The following EPHA6 variants were observed in gnomAD, a reference collection of about 807,000 sequenced individuals.
EPHA6 encodes EPH receptor A6.
A neutral mutation model predicts 112.0 loss-of-function variants in EPHA6; 50 were observed. The ratio of observed to expected loss-of-function variants is 0.45; its 90% CI spans 0.36 to 0.56. The LOEUF (loss-of-function observed/expected upper bound fraction) is 0.56. Ranked by LOEUF, EPHA6 falls within the 20% of genes least tolerant of loss-of-function variation. The pLI is 0.00. For missense variants in EPHA6, 1,280 were observed against 1,417.4 expected (o/e 0.90, Z 1.56); for synonymous variants, 529 against 490.7 (o/e 1.08, Z -1.03).
At chr3:96,992,415 TC>T (rs2043250659) in intron 3 of EPHA6, among the ~76,000 whole-genome samples, 1 of 152,174 alleles carries the variant, frequency 6.6e-6, no homozygotes, top group African/African-American at 2.4e-5. Flanking sequence ...TGGATGAGGT[TC>T]ACTGGGTCAT....
intron 17 of EPHA6, among the ~76,000 whole-genome samples, chr3:97,748,029 A>G (rs2107907357): frequency 6.6e-6 from 1 of 152,234 alleles, no homozygotes; most frequent in East Asian, 1.9e-4. Context: ...GAAAATATTT[A>G]ACATGTGCTT....
At chr3:97,129,049 T>TA (rs2048263285) in intron 3 of EPHA6, among the ~76,000 whole-genome samples, 1 of 147,140 alleles carries the variant, frequency 6.8e-6, no homozygotes, top group Non-Finnish European at 1.5e-5. Context: ...TATTTATATA[T>TA]TTTTTTGTAG....
At chr3:97,003,514 T>TTG (rs1374846780) in intron 3 of EPHA6, among the ~76,000 whole-genome samples, 9 of 152,142 alleles carry the variant, frequency 5.9e-5, no homozygotes, top group Non-Finnish European at 1.5e-5. Flanking sequence ...CCACAGAGTT[T>TTG]CTTGTTGCTT....
intron 14 of EPHA6, among the ~76,000 whole-genome samples, chr3:97,707,725 C>T (rs896393066): frequency 2.6e-4 from 39 of 152,240 alleles, no homozygotes; most frequent in Admixed American, 1.4e-3. Context: ...CCCCACACGT[C>T]GAGGGAGGGA....
chr3:97,024,460 G>T (rs2044566802), intron 3 of EPHA6, among the ~76,000 whole-genome samples: 1 of 151,988 alleles, frequency 6.6e-6, no homozygotes, highest in Non-Finnish European at 1.5e-5. Context: ...ATATCTAATT[G>T]ATCTGAAAGA....
At chr3:97,338,470 C>T (rs1171937461) in intron 5 of EPHA6, among the ~76,000 whole-genome samples, 1 of 152,034 alleles carries the variant, frequency 6.6e-6, no homozygotes, top group Non-Finnish European at 1.5e-5. Flanking sequence ...ACCCCTAGAG[C>T]TCTTACTTGA....
At chr3:97,026,664 C>T (rs2044650308) in intron 3 of EPHA6, among the ~76,000 whole-genome samples, 1 of 152,082 alleles carries the variant, frequency 6.6e-6, no homozygotes, top group Non-Finnish European at 1.5e-5. Flanking sequence ...AGAAGACATA[C>T]ATGTGGCCAA....
intron 2 of EPHA6, among the ~76,000 whole-genome samples, chr3:96,981,898 A>T (rs1416638633): frequency 1.3e-5 from 2 of 151,966 alleles, no homozygotes; most frequent in Non-Finnish European, 1.5e-5. Flanking sequence ...ATCAGTGGTG[A>T]TATCCCCTTT....
intron 2 of EPHA6, among the ~76,000 whole-genome samples, chr3:96,949,376 ATTAC>A (rs1383289251): frequency 1.3e-5 from 2 of 152,214 alleles, no homozygotes; most frequent in South Asian, 2.1e-4. Flanking sequence ...ATTTTGCAGT[ATTAC>A]TTATTAGCTG....
intron 2 of EPHA6, among the ~76,000 whole-genome samples, chr3:96,931,523 G>A (rs2107657564): frequency 6.6e-6 from 1 of 152,308 alleles, no homozygotes; most frequent in Middle Eastern, 3.4e-3. Context: ...TAGTGAGGAG[G>A]AATAGATCAG....
At chr3:97,713,654 T>C (rs1292994796) in intron 14 of EPHA6, among the ~76,000 whole-genome samples, 2 of 152,248 alleles carry the variant, frequency 1.3e-5, no homozygotes, top group East Asian at 3.8e-4. Context: ...TGTGCATGCA[T>C]GCATGTCTGT....
chr3:97,310,236 A>G (rs534208840), intron 5 of EPHA6, among the ~76,000 whole-genome samples: 44 of 151,768 alleles, frequency 2.9e-4, no homozygotes, highest in African/African-American at 1.0e-3. Flanking sequence ...AGTTTATTCA[A>G]TAAAAGAAAT....
Position 97,179,717 on chromosome 3 carries a change from G to GTCTCTCTCTC in EPHA6, c.1115-46512_1115-46503dup, listed in dbSNP as rs71113852. 7.6e-3 allele frequency among the ~76,000 whole-genome samples: 900 copies of GTCTCTCTCTC among 119,148 alleles called. 41 individuals carry two copies. The highest frequency in any genetic ancestry group is 0.028 in the African/African-American group (731 of 26,156). 78.2% of individuals were successfully genotyped at this position (119,148 alleles called of 152,430 possible). ...TTTTACTTTCTGCCAAACCTACAGA[G>GTCTCTCTCTC]TCTCTCTCTCTCTCTCTCTCTCTCT... is the stretch of plus-strand genomic sequence containing the variant. On this transcript the variant is annotated intron_variant, in intron 3 of 17. Coordinates refer to ENST00000389672, the MANE Select transcript of EPHA6 (RefSeq NM_001080448.3).
At chr3:97,284,797 C>T (rs1033188824) in intron 5 of EPHA6, among the ~76,000 whole-genome samples, 3 of 152,116 alleles carry the variant, frequency 2.0e-5, no homozygotes, top group African/African-American at 4.8e-5. Flanking sequence ...CCAATTAATA[C>T]AAATATGTTA....
chr3:96,939,212 T>G (rs1488932549), intron 2 of EPHA6, among the ~76,000 whole-genome samples: 1 of 152,242 alleles, frequency 6.6e-6, no homozygotes, highest in Non-Finnish European at 1.5e-5. Context: ...TCTGGTAGAA[T>G]TCGGCTGTGA....
At position 96,932,400 on chromosome 3, in the gene EPHA6, T is replaced by G. The variant is rs376880867; in HGVS notation, c.451-54930T>G. Among the ~76,000 whole-genome samples, 9 of 152,216 alleles carry G rather than the reference T, an allele frequency of 5.9e-5. No homozygotes were observed. The East Asian group carries it at 1.7e-3, about 29-fold the overall frequency. On this transcript the variant is annotated intron_variant, in intron 2 of 17. Transcript: ENST00000389672. ...AAATAAATATTTTAAAAACACAGAA[T>G]GTACTTCAATTATTCAGCTTACCTT...
intron 2 of EPHA6, among the ~76,000 whole-genome samples, chr3:96,924,831 G>T (rs569287312): frequency 6.6e-6 from 1 of 152,232 alleles, no homozygotes; most frequent in South Asian, 2.1e-4. Flanking sequence ...TTTATTGAGA[G>T]ATTTTAACAT....
chr3:97,176,974 G>T lies in EPHA6; in HGVS notation c.1115-49290G>T, dbSNP rs187836645. Among the ~76,000 whole-genome samples, 670 of 151,682 alleles carry T rather than the reference G, an allele frequency of 4.4e-3. 6 individuals carry two copies. The highest frequency in any genetic ancestry group is 0.014 in the African/African-American group (598 of 41,416). The stretch of plus-strand genomic sequence containing the variant: ...TCTAGTTCTTCAAGATGCATCATCA[G>T]ATTGTTTATTTGGAGTTTTCCCTCT... On this transcript the variant is annotated intron_variant, in intron 3 of 17. Coordinates refer to ENST00000389672, the MANE Select transcript of EPHA6 (RefSeq NM_001080448.3).
chr3:97,119,489 C>T (rs536078789), intron 3 of EPHA6, among the ~76,000 whole-genome samples: 5 of 151,868 alleles, frequency 3.3e-5, no homozygotes, highest in South Asian at 2.1e-4. Flanking sequence ...AAGCTGAGCA[C>T]AGACCAGTCT....
Sources: allele counts gnomAD v4.1 joint callset (sites outside exome capture counted in the v4.1 genomes callset), GRCh38; gene constraint gnomAD v4.1.1; transcripts MANE v1.5; gene names NCBI Gene and HGNC (gene_info 2026-07-23, HGNC 2026-07-21).